The following RNF207 variants were observed in gnomAD, a reference collection of about 807,000 sequenced individuals.
The protein encoded by RNF207 is ring finger protein 207.
Under a neutral mutation model 79.0 loss-of-function variants are expected in RNF207, and 72 were observed. The observed-to-expected ratio is 0.91, with a 90% CI of 0.75 to 1.11. RNF207 has a LOEUF of 1.11. RNF207 is among the 50% of genes least tolerant of loss of function. The pLI is 0.00. For synonymous variants in RNF207, 348 were observed against 366.2 expected (o/e 0.95, Z 0.57); for missense variants, 936 against 855.8 (o/e 1.09, Z -1.17).
intron 16 of RNF207, among the ~76,000 whole-genome samples, chr1:6,213,591 A>G (rs374968756): frequency 2.4e-4 from 36 of 152,178 alleles, no homozygotes; most frequent in African/African-American, 7.9e-4. Flanking sequence ...AAGGTGCCGG[A>G]CATTTGCAAA....
rs915346615 is a variant in RNF207 at position 6,210,217 on chromosome 1, C to A, written c.801-6C>A. 10 of 1,612,756 alleles carry A rather than the reference C, an allele frequency of 6.2e-6. No individual in the cohort carries two copies. Among genetic ancestry groups the A allele is most frequent in the Non-Finnish European group, 7.6e-6 (9 of 1,179,336 alleles). ...CCCTGGAAACCAGGCAGCCCCCCTC[C>A]CCCAGCCAATACGAAGAGAAGGACA... is the stretch of plus-strand genomic sequence containing the variant. On this transcript the variant is annotated splice_region_variant and splice_polypyrimidine_tract_variant and intron_variant, in intron 8 of 17. Coordinates refer to ENST00000377939, the MANE Select transcript of RNF207 (RefSeq NM_207396.3).
At position 6,209,510 on chromosome 1, in the gene RNF207, G is replaced by A. The variant is rs1373873915; in HGVS notation, c.724G>A (p.Ala242Thr). The A allele has an allele frequency of 6.8e-7, 1 of 1,474,752 alleles. No individual in the cohort carries two copies. The allele number at this position is 1,474,752 out of a possible 1,614,324, so 91.4% of individuals were successfully genotyped here. A position where few individuals can be genotyped will look rare whatever the true frequency, so the allele number is the denominator to read the frequency against. Reference protein sequence around the residue: ...VRHSAAEEEDAIHALFGSMQD... With the variant: ...VRHSAAEEEDTIHALFGSMQD... Reference sequence around the variant, plus strand: ...GCACAGCGCCGCCGAGGAGGAGGACGCTATCCACGCCCTCTTCGGCAGCAT... The same window carrying A: ...GCACAGCGCCGCCGAGGAGGAGGACACTATCCACGCCCTCTTCGGCAGCAT... The change falls in exon 7 of 18, where the codon GCT (alanine) becomes ACT (threonine). Residue 242 changes from alanine to threonine, a missense_variant. Coordinates refer to ENST00000377939, the MANE Select transcript of RNF207 (RefSeq NM_207396.3).
chr1:6,210,343 G>A (rs142653949), intron 9 of RNF207, 27 bp from the exon 10 acceptor site: 1 of 1,613,450 alleles, frequency 6.2e-7, no homozygotes, highest in East Asian at 2.2e-5. Flanking sequence ...TCCCCGGCCA[G>A]GCACTGAGCA....
chr1:6,209,446 G>C lies in RNF207; in HGVS notation c.660G>C (p.Glu220Asp), dbSNP rs1668063126. The change falls in exon 7 of 18, where the codon GAG (glutamate) becomes GAC (aspartate). Residue 220 changes from glutamate to aspartate, a missense_variant. By Grantham distance (45) the Glu-to-Asp change is conservative. Transcript: ENST00000377939. Reference protein sequence around the residue: ...AVKALQTATREAIALLQAMVE... With the variant: ...AVKALQTATRDAIALLQAMVE... ...AGGCCCTGCAGACGGCCACGCGGGAGGCCATCGCGCTGCTGCAGGCCATGG... is the reference window on the plus strand; with the variant it reads ...AGGCCCTGCAGACGGCCACGCGGGACGCCATCGCGCTGCTGCAGGCCATGG... 1 of 1,516,418 alleles carries C rather than the reference G, an allele frequency of 6.6e-7. No individual in the cohort carries two copies. The highest frequency in any genetic ancestry group is 8.8e-7 in the Non-Finnish European group (1 of 1,137,472). The allele number at this position is 1,516,418 out of a possible 1,614,324, so 93.9% of individuals were successfully genotyped here. A position where few individuals can be genotyped will look rare whatever the true frequency, so the allele number is the denominator to read the frequency against.
In RNF207 at chr1:6,210,416, C is replaced by T. The variant is rs760089968; in HGVS notation, c.920C>T (p.Ala307Val). 5.6e-6 allele frequency: 9 copies of T among 1,613,602 alleles called. No homozygotes were observed. In the East Asian group the frequency reaches 2.0e-4, roughly 36 times the overall value. The change falls in exon 10 of 18, where the codon GCT becomes GTT. Residue 307 changes from alanine (A) to valine (V), a missense_variant. Ala to Val is a moderately conservative substitution (Grantham distance 64). Coordinates refer to ENST00000377939, the MANE Select transcript of RNF207 (RefSeq NM_207396.3). ...CSSFLSLANK[A>V]EFLDLGYELM... ...TCCTTCCTCAGCTTGGCCAACAAGG[C>T]TGAGTTCCTGGACCTGGGCTATGTG...
Position 6,209,405 on chromosome 1 carries a change from TG to T in RNF207, c.628-8del. 6.6e-7 allele frequency: 1 copy of T among 1,523,780 alleles called. No homozygotes were observed. Among genetic ancestry groups the T allele is most frequent in the Non-Finnish European group, 8.8e-7 (1 of 1,140,548 alleles). The allele number at this position is 1,523,780 out of a possible 1,614,324, so 94.4% of individuals were successfully genotyped here. ...GGCGATCGCGAGCCTGACCACGCCCTGTCCCCAGGCCGTGAAGGCCCTGCAG... is the reference window on the plus strand; with the variant it reads ...GGCGATCGCGAGCCTGACCACGCCCTTCCCCAGGCCGTGAAGGCCCTGCAG... On this transcript the variant is annotated splice_region_variant and splice_polypyrimidine_tract_variant and intron_variant, in intron 6 of 17. Coordinates refer to ENST00000377939, the MANE Select transcript of RNF207 (RefSeq NM_207396.3).
chr1:6,213,277 T>A (rs1557590713), intron 16 of RNF207, 94 bp downstream of exon 16: 1 of 754,428 alleles, frequency 1.3e-6, no homozygotes, highest in Non-Finnish European at 2.2e-6. Context: ...TCCTAACACT[T>A]CGGGAGGCTG....
intron 16 of RNF207, 47 bp downstream of exon 16, chr1:6,213,230 G>A (rs1366180708): frequency 7.9e-7 from 1 of 1,258,656 alleles, no homozygotes; most frequent in Non-Finnish European, 1.2e-6. Flanking sequence ...TCTTCAGAAT[G>A]TGCATGGGGG....
In RNF207 at chr1:6,217,338, C is replaced by A. The variant is rs1668393894; in HGVS notation, c.1653-951C>A. On this transcript the variant is annotated intron_variant, in intron 16 of 17. Coordinates refer to ENST00000377939, the MANE Select transcript of RNF207 (RefSeq NM_207396.3). This position sits in a 1 kb window ranked among gnomAD's most constrained non-coding sequence, Gnocchi z 4.2. ...AGGCATTCTCCACAGCCTACGCTCA[C>A]TCCTTGGGCGACCTCATTCAGTCCC... Among the ~76,000 whole-genome samples, 1 of 152,294 alleles carries A rather than the reference C, an allele frequency of 6.6e-6. No individual in the cohort carries two copies. Among genetic ancestry groups the A allele is most frequent in the Admixed American group, 6.5e-5 (1 of 15,298 alleles).
Position 6,209,553 on chromosome 1 carries a change from G to A in RNF207, c.753+14G>A, listed in dbSNP as rs372980056. 7.6e-6 allele frequency: 11 copies of A among 1,447,282 alleles called. No homozygotes were observed. Among genetic ancestry groups the A allele is most frequent in the African/African-American group, 2.9e-5 (2 of 68,054 alleles). The allele number at this position is 1,447,282 out of a possible 1,614,324, so 89.7% of individuals were successfully genotyped here. A position where few individuals can be genotyped will look rare whatever the true frequency, so the allele number is the denominator to read the frequency against. On this transcript the variant is annotated intron_variant, in intron 7 of 17. Transcript: ENST00000377939. ...GGCAGCATGCAGGTGAGGGGTGGGG[G>A]TTGGGGGATAAACGACCCAGCCGGG...
intron 3 of RNF207, 41 bp from the exon 4 acceptor site, chr1:6,208,840 G>C: frequency 1.3e-6 from 2 of 1,495,984 alleles, no homozygotes; most frequent in South Asian, 1.3e-5. Flanking sequence ...CGCTGGCCGC[G>C]GTCGGGCTCT....
chr1:6,212,264 C>T lies in RNF207; in HGVS notation c.1330C>T (p.Gln444Ter), dbSNP rs1457507547. 6.8e-6 allele frequency: 11 copies of T among 1,612,778 alleles called. No homozygotes were observed. ...LQAEMQSLKDQVQELHRDLTK... is the reference protein window; with the variant it reads ...LQAEMQSLKD ...GGCAGAGATGCAGAGCCTAAAGGAC[C>T]AGGTACAGGAGCTGCACCGAGACCT... Residue 444 changes from glutamine (Q) to a stop codon, truncating the protein, a stop_gained, in exon 14 of 18, where the codon CAG becomes TAG. Transcript: ENST00000377939. LOFTEE classifies it high-confidence loss of function.
rs1668103219 is a variant in RNF207 at position 6,210,204 on chromosome 1, G to A, written c.801-19G>A. 3.7e-6 allele frequency: 6 copies of A among 1,609,266 alleles called. No homozygotes were observed. Among genetic ancestry groups the A allele is most frequent in the Non-Finnish European group, 5.1e-6 (6 of 1,177,208 alleles). On this transcript the variant is annotated intron_variant, in intron 8 of 17. Transcript: ENST00000377939. ...CCTGCTCCTGGCCCCCTGGAAACCA[G>A]GCAGCCCCCCTCCCCCAGCCAATAC...
At position 6,212,718 on chromosome 1, in the gene RNF207, C is replaced by A; in HGVS notation, c.1519C>A (p.Gln507Lys). 1 of 1,613,610 alleles carries A rather than the reference C, an allele frequency of 6.2e-7. No individual in the cohort carries two copies. The highest frequency in any genetic ancestry group is 8.5e-7 in the Non-Finnish European group (1 of 1,179,652). ...EEAYQRVANE[Q>K]EIYEAQLHDL... is the part of the protein sequence containing the mutation. ...AGCCTATCAGCGAGTGGCTAATGAG[C>A]AGGAGATTTATGAAGGTTCCAGACA... is the stretch of plus-strand genomic sequence containing the variant. Residue 507 changes from glutamine to lysine, a missense_variant, in exon 15 of 18, where the codon CAG becomes AAG. Coordinates refer to ENST00000377939, the MANE Select transcript of RNF207 (RefSeq NM_207396.3).
Position 6,220,967 on chromosome 1 carries a change from T to G in RNF207, c.*1560T>G, listed in dbSNP as rs572404510. 1 of 152,336 alleles carries G rather than the reference T, an allele frequency of 6.6e-6. No homozygotes were observed. Among genetic ancestry groups the G allele is most frequent in the Non-Finnish European group, 1.5e-5 (1 of 68,040 alleles). 9.4% of individuals were successfully genotyped at this position (152,336 alleles called of 1,614,324 possible). ...ACATCACTCACATTGACGTCCACTG[T>G]CCCTGCACCTGCTACTTCAGGGGCA... is the stretch of plus-strand genomic sequence containing the variant. On this transcript the variant is annotated 3_prime_UTR_variant, in exon 18 of 18. Transcript: ENST00000377939.
intron 16 of RNF207, among the ~76,000 whole-genome samples, chr1:6,215,972 G>A (rs1668348725): frequency 6.6e-6 from 1 of 152,220 alleles, no homozygotes; most frequent in Admixed American, 6.5e-5. Context: ...GTACTTCCTT[G>A]GAGGAGATCA....
rs1668414594 is a variant in RNF207, at chr1:6,217,906, C to T, written c.1653-383C>T. 1.3e-5 allele frequency among the ~76,000 whole-genome samples: 2 copies of T among 152,242 alleles called. No individual in the cohort carries two copies. Among genetic ancestry groups the T allele is most frequent in the Non-Finnish European group, 1.5e-5 (1 of 68,050 alleles). ...TTCCCCAAAAAAGCTAGACTGGTCC[C>T]ACTTCTGGGCCTCTGCCTGGAGTAT... is the stretch of plus-strand genomic sequence containing the variant. On this transcript the variant is annotated intron_variant, in intron 16 of 17. Coordinates refer to ENST00000377939, the MANE Select transcript of RNF207 (RefSeq NM_207396.3). This position sits in a 1 kb window ranked among gnomAD's most constrained non-coding sequence, Gnocchi z 4.2.
At chr1:6,216,169 C>T (rs1315750422) in intron 16 of RNF207, among the ~76,000 whole-genome samples, 4 of 152,126 alleles carry the variant, frequency 2.6e-5, no homozygotes, top group Non-Finnish European at 4.4e-5. Flanking sequence ...TGGGAGAGGA[C>T]CAGTTGCTGA....
chr1:6,210,143 GA>G, intron 8 of RNF207, 79 bp from the exon 9 acceptor site: 1 of 1,391,298 alleles, frequency 7.2e-7, no homozygotes, highest in Non-Finnish European at 1.0e-6. Flanking sequence ...ACGGACATGC[GA>G]AGCTGGAGGC....
Sources: gnomAD v4.1 joint callset for allele counts (sites outside exome capture counted in the v4.1 genomes callset) on GRCh38, gnomAD v4.1.1 for gene constraint, Gnocchi (gnomAD v3.1) non-coding constraint, MANE v1.5 for transcripts, NCBI Gene and HGNC (gene_info 2026-07-23, HGNC 2026-07-21) for gene names.